Variants in CD109 observed in about 807,000 individuals in gnomAD.
CD109 encodes CD109 molecule.
Under a neutral mutation model 165.8 loss-of-function variants are expected in CD109, and 149 were observed. The observed-to-expected ratio is 0.90, with a 90% confidence interval of 0.79 to 1.03. The LOEUF (loss-of-function observed/expected upper bound fraction) is 1.03, where lower values mean the gene tolerates loss of function less well. Ranked by LOEUF, CD109 falls within the 50% of genes least tolerant of loss-of-function variation. The pLI, the probability that CD109 is intolerant of heterozygous loss-of-function variation, is 0.00. For missense variants in CD109, 1,712 were observed against 1,677.8 expected, an observed-to-expected ratio of 1.02 and a Z score of -0.36; for synonymous variants, 585 against 592.1, an observed-to-expected ratio of 0.99 and a Z score of 0.18.
chr6:73,710,069 A>G (rs927078796), intron 2 of CD109, among the ~76,000 whole-genome samples: 1 of 152,212 alleles, frequency 6.6e-6, no homozygotes, highest in Non-Finnish European at 1.5e-5. Flanking sequence ...CCTATTCAAC[A>G]TAGTGTTGGA....
At chr6:73,717,810 G>A (rs1771799175) in intron 2 of CD109, among the ~76,000 whole-genome samples, 1 of 151,094 alleles carries the variant, frequency 6.6e-6, no homozygotes, top group South Asian at 2.1e-4. Context: ...TAGTAGAGAC[G>A]GGGTTTCACC....
Position 73,696,308 on chromosome 6 carries a change from G to C in CD109, c.74+19G>C. 2 of 1,413,188 alleles carry C rather than the reference G, an allele frequency of 1.4e-6. No homozygotes were observed. The highest frequency in any genetic ancestry group is 1.9e-6 in the Non-Finnish European group (2 of 1,072,424). The allele number at this position is 1,413,188 out of a possible 1,614,324, so 87.5% of individuals were successfully genotyped here. A position where few individuals can be genotyped will look rare whatever the true frequency, so the allele number is the denominator to read the frequency against. ...CTCCCGGGTAGGAACGTGGGCGCGC[G>C]GGGGGCGCGCGGGCGCGCGGGCCTG... On this transcript the variant is annotated intron_variant, in intron 1 of 32. Coordinates refer to ENST00000287097, the MANE Select transcript of CD109 (RefSeq NM_133493.5).
At chr6:73,807,417 G>C (rs897082428) in intron 25 of CD109, among the ~76,000 whole-genome samples, 1 of 152,188 alleles carries the variant, frequency 6.6e-6, no homozygotes, top group Non-Finnish European at 1.5e-5. Flanking sequence ...GTTCTAGCAA[G>C]TTTAGATTGC....
At chr6:73,765,853 G>C (rs1773820558) in intron 10 of CD109, 77 bp from the exon 11 acceptor site, 2 of 1,056,478 alleles carry the variant, frequency 1.9e-6, no homozygotes, top group Non-Finnish European at 2.8e-6. Context: ...AATTTCATGA[G>C]AATACTACAG....
At position 73,808,218 on chromosome 6, in the gene CD109, A is replaced by C. The variant is rs1189029915; in HGVS notation, c.3325A>C (p.Asn1109His). The change falls in exon 26 of 33, where the codon AAT becomes CAT. Residue 1109 changes from asparagine to histidine, a missense_variant. Asn to His is a moderately conservative substitution (Grantham distance 68). Transcript: ENST00000287097. Reference protein sequence around the residue: ...VGSPKAKEALNMLTWRAEQEG... With the variant: ...VGSPKAKEALHMLTWRAEQEG... The stretch of plus-strand genomic sequence containing the variant: ...GAGTCCTAAAGCGAAGGAAGCTTTG[A>C]ATATGCTGACTTGGAGAGCAGAACA... 2.5e-6 allele frequency: 4 copies of C among 1,613,336 alleles called. No individual in the cohort carries two copies. Among genetic ancestry groups the C allele is most frequent in the Non-Finnish European group, 3.4e-6 (4 of 1,179,602 alleles).
At chr6:73,690,998 T>C (rs947492150), upstream of CD109, among the ~76,000 whole-genome samples, 6 of 152,112 alleles carry the variant, frequency 3.9e-5, no homozygotes, top group South Asian at 2.1e-4. Flanking sequence ...CTCTCACCCC[T>C]TCTCCAGGGG....
chr6:73,797,675 A>C (rs1775213901), intron 23 of CD109, among the ~76,000 whole-genome samples: 1 of 152,338 alleles, frequency 6.6e-6, no homozygotes, highest in South Asian at 2.1e-4. Context: ...AGGTAAATCA[A>C]GTCAAACTAT....
At chr6:73,786,568 A>G (rs1195341141) in intron 20 of CD109, among the ~76,000 whole-genome samples, 1 of 152,052 alleles carries the variant, frequency 6.6e-6, no homozygotes, top group Non-Finnish European at 1.5e-5. Flanking sequence ...TTACCAGCAA[A>G]TGACTTAATT....
chr6:73,682,622 C>G, the CD109 span, among the ~76,000 whole-genome samples: 64 of 152,356 alleles, frequency 4.2e-4, no homozygotes, highest in South Asian at 0.012. Flanking sequence ...CTCCACTAGG[C>G]AGTGACCCAG....
chr6:73,820,588 T>TTTCTAAAGTATTAAGA, intron 32 of CD109, 25 bp downstream of exon 32: 1 of 1,319,422 alleles, frequency 7.6e-7, no homozygotes, highest in Non-Finnish European at 1.1e-6. Context: ...GAGTTCTTAA[T>TTTCTAAAGTATTAAGA]ACTTTAGAAA....
chr6:73,811,121 A>T lies in CD109; in HGVS notation c.3676A>T (p.Asn1226Tyr). 1.2e-6 allele frequency: 2 copies of T among 1,613,230 alleles called. No homozygotes were observed. The highest frequency in any genetic ancestry group is 1.7e-6 in the Non-Finnish European group (2 of 1,179,488). Residue 1226 changes from asparagine to tyrosine, a missense_variant, in exon 28 of 33, where the codon AAC (asparagine) becomes TAC (tyrosine). Physicochemically the swap from Asn to Tyr is moderately radical, Grantham distance 143. Transcript: ENST00000287097. ...TGTAAAGTTTCTGATTGACACACAC[A>T]ACCGCTTACTCCTTCAGACAGCAGA... The part of the protein sequence containing the change: ...SPVKFLIDTH[N>Y]RLLLQTAELA...
chr6:73,728,582 G>A (rs1401942051), intron 3 of CD109, among the ~76,000 whole-genome samples: 1 of 152,100 alleles, frequency 6.6e-6, no homozygotes, highest in Non-Finnish European at 1.5e-5. Flanking sequence ...ATTTTTAAAT[G>A]TATTTCCAAG....
chr6:73,754,217 A>G (rs568042703), intron 5 of CD109, among the ~76,000 whole-genome samples: 1 of 152,220 alleles, frequency 6.6e-6, no homozygotes, highest in African/African-American at 2.4e-5. Context: ...TGGGATAGAG[A>G]TAAGGATTTA....
chr6:73,746,103 G>A (rs886336200), intron 5 of CD109, among the ~76,000 whole-genome samples: 4 of 152,164 alleles, frequency 2.6e-5, no homozygotes, highest in Non-Finnish European at 4.4e-5. Flanking sequence ...AGCACAAAGC[G>A]GCCCTATATT....
chr6:73,700,485 C>G (rs1483435615), intron 2 of CD109, among the ~76,000 whole-genome samples: 2 of 152,114 alleles, frequency 1.3e-5, no homozygotes, highest in African/African-American at 4.8e-5. Flanking sequence ...GTCTTAGTAG[C>G]TTATTTCCAG....
At chr6:73,688,761 G>GTTTTTTTTT in the CD109 span, among the ~76,000 whole-genome samples, 16 of 73,532 alleles carry the variant, frequency 2.2e-4, no homozygotes, top group African/African-American at 2.8e-4. Flanking sequence ...GTTTTTCTTT[G>GTTTTTTTTT]TTTTTTTTTT....
chr6:73,741,594 G>A (rs138583505), intron 5 of CD109, among the ~76,000 whole-genome samples: 52 of 152,238 alleles, frequency 3.4e-4, no homozygotes, highest in Admixed American at 7.2e-4. Context: ...AGTTCTCTAG[G>A]TACCTTATCT....
At chr6:73,791,184 CACACAT>C (rs1459340674) in intron 22 of CD109, among the ~76,000 whole-genome samples, 61 of 50,782 alleles carry the variant, frequency 1.2e-3, no homozygotes, top group East Asian at 3.0e-3. Flanking sequence ...TATACACACA[CACACAT>C]ACATATATAT....
intron 22 of CD109, 152 bp from the exon 23 acceptor site, chr6:73,792,474 T>C (rs777115524): frequency 4.4e-6 from 3 of 674,230 alleles, no homozygotes; most frequent in Non-Finnish European, 7.6e-6. Context: ...TCCTAAAAGC[T>C]TGGTGTAAAG....
Sources: gnomAD v4.1 joint callset for allele counts (sites outside exome capture counted in the v4.1 genomes callset) on GRCh38, gnomAD v4.1.1 for gene constraint, MANE v1.5 for transcripts, NCBI Gene and HGNC (gene_info 2026-07-23, HGNC 2026-07-21) for gene names.